Variants in TTC28 observed in about 807,000 individuals in gnomAD.
The protein encoded by TTC28 is tetratricopeptide repeat domain 28.
In TTC28, 61 loss-of-function variants were observed where a neutral mutation model predicts 198.0. That is an observed-to-expected ratio of 0.31 (90% confidence interval 0.25 to 0.38). The LOEUF (loss-of-function observed/expected upper bound fraction) is 0.38. Among genes scored for constraint, TTC28 ranks in the 10% least tolerant of loss-of-function variants. TTC28 has a pLI of 1.00. For synonymous variants in TTC28, 1,171 were observed against 1,297.8 expected, an observed-to-expected ratio of 0.90 and a Z score of 2.10; for missense variants, 2,678 against 3,164.0, an observed-to-expected ratio of 0.85 and a Z score of 3.69.
chr22:28,448,661 C>T (rs1021004295), intron 2 of TTC28, among the ~76,000 whole-genome samples: 11 of 152,074 alleles, frequency 7.2e-5, no homozygotes, highest in South Asian at 6.2e-4. Flanking sequence ...TTGGGTAATC[C>T]GAGAATCTCA....
chr22:28,513,720 A>G (rs1446645089), intron 2 of TTC28, among the ~76,000 whole-genome samples: 1 of 152,208 alleles, frequency 6.6e-6, no homozygotes, highest in African/African-American at 2.4e-5. Flanking sequence ...ATAGCTGAGA[A>G]AAGTTAAAGA....
chr22:28,192,499 T>C (rs1403032066), intron 5 of TTC28, among the ~76,000 whole-genome samples: 3 of 152,154 alleles, frequency 2.0e-5, no homozygotes, highest in Admixed American at 1.3e-4. Context: ...CAAACTTCTC[T>C]GAACTAAAGG....
chr22:28,138,574 A>T (rs1943254749), intron 6 of TTC28, among the ~76,000 whole-genome samples: 1 of 152,214 alleles, frequency 6.6e-6, no homozygotes, highest in Non-Finnish European at 1.5e-5. Context: ...ACAGAAAACA[A>T]TCCGGGAATA....
intron 17 of TTC28, 49 bp from the exon 18 acceptor site, chr22:27,993,567 C>G: frequency 6.7e-7 from 1 of 1,487,696 alleles, no homozygotes; most frequent in Non-Finnish European, 9.0e-7. Context: ...GCCCTGGTTT[C>G]CATCCGCATG....
intron 5 of TTC28, among the ~76,000 whole-genome samples, chr22:28,210,389 G>C (rs1926823585): frequency 6.6e-6 from 1 of 152,122 alleles, no homozygotes; most frequent in Non-Finnish European, 1.5e-5. Flanking sequence ...TAAAAACCTT[G>C]AGAAAAGATT....
intron 12 of TTC28, among the ~76,000 whole-genome samples, chr22:28,038,700 A>G (rs1939470919): frequency 6.6e-6 from 1 of 152,250 alleles, no homozygotes; most frequent in African/African-American, 2.4e-5. Flanking sequence ...GCTTCTGCAC[A>G]GCAAAAGAAA....
chr22:28,220,080 CAATT>C (rs1481189288), intron 5 of TTC28, among the ~76,000 whole-genome samples: 1 of 152,138 alleles, frequency 6.6e-6, no homozygotes, highest in South Asian at 2.1e-4. Context: ...AGGAATAAGA[CAATT>C]AAGGTGATGA....
intron 2 of TTC28, among the ~76,000 whole-genome samples, chr22:28,612,707 A>G (rs1434062248): frequency 2.6e-5 from 4 of 152,226 alleles, no homozygotes; most frequent in Non-Finnish European, 4.4e-5. Context: ...CTACATGGAA[A>G]CTGAACAACC....
At chr22:28,310,488 G>GA (rs2045237135) in intron 2 of TTC28, among the ~76,000 whole-genome samples, 1 of 152,106 alleles carries the variant, frequency 6.6e-6, no homozygotes, top group Non-Finnish European at 1.5e-5. Flanking sequence ...TGGAAGCAAG[G>GA]AAAGACCTTT....
intron 2 of TTC28, among the ~76,000 whole-genome samples, chr22:28,553,032 G>A (rs535088557): frequency 1.0e-3 from 156 of 152,200 alleles, no homozygotes; most frequent in African/African-American, 3.5e-3. Context: ...CGAGTGATCC[G>A]CCAGCCTCGG....
chr22:28,207,710 G>T (rs986910009), intron 5 of TTC28, among the ~76,000 whole-genome samples: 3 of 152,172 alleles, frequency 2.0e-5, no homozygotes, highest in Admixed American at 6.5e-5. Context: ...ACATGATCCA[G>T]GGACACGTGG....
At chr22:28,669,438 G>A (rs1251219511) in intron 1 of TTC28, among the ~76,000 whole-genome samples, 1 of 151,560 alleles carries the variant, frequency 6.6e-6, no homozygotes, top group African/African-American at 2.4e-5. Context: ...TGACCAGTTA[G>A]GGCCAAAATA....
chr22:28,032,267 A>ATATATATATAGTGT (rs1226631612), intron 12 of TTC28, among the ~76,000 whole-genome samples: 13 of 78,704 alleles, frequency 1.7e-4, no homozygotes, highest in Admixed American at 1.5e-3. Flanking sequence ...ATATATATAT[A>ATATATATATAGTGT]GTGTGTGTGT....
intron 5 of TTC28, among the ~76,000 whole-genome samples, chr22:28,276,805 C>G (rs560032431): frequency 6.6e-6 from 1 of 152,272 alleles, no homozygotes; most frequent in South Asian, 2.1e-4. Flanking sequence ...TAACTACCAT[C>G]TTAACCACAT....
At chr22:28,467,941 T>C (rs944724561) in intron 2 of TTC28, among the ~76,000 whole-genome samples, 3 of 152,066 alleles carry the variant, frequency 2.0e-5, no homozygotes, top group Non-Finnish European at 2.9e-5. Flanking sequence ...TTTTTCTTTT[T>C]TTTTTCTTTC....
chr22:27,993,279 C>A lies in TTC28; in HGVS notation c.5476+8G>T. 1.3e-6 allele frequency: 2 copies of A among 1,518,068 alleles called. No individual in the cohort carries two copies. Among genetic ancestry groups the A allele is most frequent in the South Asian group, 1.3e-5 (1 of 79,278 alleles). The allele number at this position is 1,518,068 out of a possible 1,614,324, so 94.0% of individuals were successfully genotyped here. A position where few individuals can be genotyped will look rare whatever the true frequency, so the allele number is the denominator to read the frequency against. On this transcript the variant is annotated splice_region_variant and intron_variant, in intron 18 of 22. Transcript: ENST00000397906. Reference sequence around the variant, plus strand: ...GCCTGTTGCCCCAGCCCTACACCCACAGCTCACCCAGCAGGGACTGGAGTG... The same window carrying A: ...GCCTGTTGCCCCAGCCCTACACCCAAAGCTCACCCAGCAGGGACTGGAGTG...
intron 1 of TTC28, among the ~76,000 whole-genome samples, chr22:28,635,270 G>A (rs1284941487): frequency 6.6e-6 from 1 of 152,076 alleles, no homozygotes; most frequent in African/African-American, 2.4e-5. Context: ...GCAGTGAGCT[G>A]AGATTGCACC....
chr22:28,424,667 G>A (rs978646542), intron 2 of TTC28, among the ~76,000 whole-genome samples: 9 of 152,204 alleles, frequency 5.9e-5, no homozygotes, highest in Middle Eastern at 3.4e-3. Context: ...ATTTGGCTTC[G>A]ATATGAGGTC....
intron 2 of TTC28, among the ~76,000 whole-genome samples, chr22:28,474,903 T>G (rs2048141112): frequency 6.6e-6 from 1 of 150,976 alleles, no homozygotes; most frequent in African/African-American, 2.4e-5. Context: ...TTGGGGAAAA[T>G]AGAGAATATG....
Sources: allele counts gnomAD v4.1 joint callset (sites outside exome capture counted in the v4.1 genomes callset), GRCh38; gene constraint gnomAD v4.1.1; transcripts MANE v1.5; gene names NCBI Gene and HGNC (gene_info 2026-07-23, HGNC 2026-07-21).